TRIM26: variants seen among roughly 807,000 people sequenced by gnomAD.
The protein encoded by TRIM26 is tripartite motif containing 26.
TRIM26 carries 16 observed loss-of-function variants against 45.5 expected under a neutral mutation model. That is an observed-to-expected ratio of 0.35 (90% CI 0.24 to 0.53). TRIM26 has a LOEUF of 0.53. Among genes scored for constraint, TRIM26 ranks in the 20% least tolerant of loss-of-function variants. The pLI is 0.92. For synonymous variants in TRIM26, 273 were observed against 290.4 expected, an observed-to-expected ratio of 0.94 and a Z score of 0.61; for missense variants, 442 against 691.1, an observed-to-expected ratio of 0.64 and a Z score of 4.04.
At chr6:30,204,130 C>G (rs1258742497) in intron 2 of TRIM26, among the ~76,000 whole-genome samples, 1 of 152,190 alleles carries the variant, frequency 6.6e-6, no homozygotes, top group African/African-American at 2.4e-5. Context: ...AGTACCACTT[C>G]TATGACCAAT....
In TRIM26 at chr6:30,209,965, G is replaced by C. The variant is rs955640760; in HGVS notation, c.-376+3340C>G. Among the ~76,000 whole-genome samples, 4 of 152,166 alleles carry C rather than the reference G, an allele frequency of 2.6e-5. No individual in the cohort carries two copies. Among genetic ancestry groups the C allele is most frequent in the African/African-American group, 9.7e-5 (4 of 41,428 alleles). ...CTCACGCCTGTAATCCCAGCACTTT[G>C]GGAGGCCGAGGTGGGCAGATCATGA... On this transcript the variant is annotated intron_variant, in intron 1 of 9. Coordinates refer to ENST00000454678, the MANE Select transcript of TRIM26 (RefSeq NM_003449.5). The surrounding 1 kb of genome is among the most constrained non-coding windows in gnomAD (Gnocchi z 4.8).
chr6:30,189,644 T>A lies in TRIM26; in HGVS notation c.789-111A>T, dbSNP rs1034254509. 10 of 953,198 alleles carry A rather than the reference T, an allele frequency of 1.0e-5. No individual in the cohort carries two copies. In the African/African-American group the frequency reaches 1.6e-4, roughly 15 times the overall value. 59.0% of individuals were successfully genotyped at this position (953,198 alleles called of 1,614,324 possible). On this transcript the variant is annotated intron_variant, in intron 7 of 9. Coordinates refer to ENST00000454678, the MANE Select transcript of TRIM26 (RefSeq NM_003449.5). The surrounding 1 kb of genome is among the most constrained non-coding windows in gnomAD (Gnocchi z 5.0). ...GAAGGGGAGAGGAAAGGTATGATTATCCCCAAACAAGTGACAGAAAAACAG... is the reference window on the plus strand; with the variant it reads ...GAAGGGGAGAGGAAAGGTATGATTAACCCCAAACAAGTGACAGAAAAACAG...
In TRIM26 at chr6:30,185,734, G is replaced by T; in HGVS notation, c.*142C>A. 1.1e-6 allele frequency: 1 copy of T among 893,784 alleles called. No homozygotes were observed. The highest frequency in any genetic ancestry group is 1.7e-6 in the Non-Finnish European group (1 of 591,582). The allele number at this position is 893,784 out of a possible 1,614,324, so 55.4% of individuals were successfully genotyped here. On this transcript the variant is annotated 3_prime_UTR_variant, in exon 10 of 10. Transcript: ENST00000454678. This position sits in a 1 kb window ranked among gnomAD's most constrained non-coding sequence, Gnocchi z 5.7. ...CTGAGTGAGATTTCAGGGGGCCACA[G>T]CAATGGGGAGGTGGCTACCAGTGGA... is the stretch of plus-strand genomic sequence containing the variant.
chr6:30,196,914 C>T lies in TRIM26; in HGVS notation c.535-168G>A, dbSNP rs1776540151. Among the ~76,000 whole-genome samples, 1 of 152,176 alleles carries T rather than the reference C, an allele frequency of 6.6e-6. No homozygotes were observed. The highest frequency in any genetic ancestry group is 2.1e-4 in the South Asian group (1 of 4,832). Reference sequence around the variant, plus strand: ...AGGGTTCCTGGTCCACACTCCGCTTCTCAAAGAAGACTCCAGTAATGAATT... The same window carrying T: ...AGGGTTCCTGGTCCACACTCCGCTTTTCAAAGAAGACTCCAGTAATGAATT... On this transcript the variant is annotated intron_variant, in intron 5 of 9. Coordinates refer to ENST00000454678, the MANE Select transcript of TRIM26 (RefSeq NM_003449.5). The surrounding 1 kb of genome is among the most constrained non-coding windows in gnomAD (Gnocchi z 4.9).
chr6:30,212,915 CAAA>C (rs3059548), intron 1 of TRIM26, among the ~76,000 whole-genome samples: 59,769 of 130,658 alleles, frequency 0.46, 12,380 homozygotes, highest in Non-Finnish European at 0.48. Context: ...TTACTCCGAA[CAAA>C]AAAAAAAAAA....
rs1052167889 is a variant in TRIM26, at chr6:30,189,819, G to T, written c.788+194C>A. On this transcript the variant is annotated intron_variant, in intron 7 of 9. Transcript: ENST00000454678. The surrounding 1 kb of genome is among the most constrained non-coding windows in gnomAD (Gnocchi z 5.0). ...GGCCAAGGAGCTGGGGCTACACAGA[G>T]AACCATAAGGAGGAGAGCAAGTCTC... 1.2e-5 allele frequency: 8 copies of T among 656,350 alleles called. No homozygotes were observed. The African/African-American group carries it at 1.7e-4, about 14-fold the overall frequency. The allele number at this position is 656,350 out of a possible 1,614,324, so 40.7% of individuals were successfully genotyped here. A position where few individuals can be genotyped will look rare whatever the true frequency, so the allele number is the denominator to read the frequency against.
intron 1 of TRIM26, among the ~76,000 whole-genome samples, chr6:30,212,003 G>A (rs1778335481): frequency 1.3e-5 from 2 of 152,228 alleles, no homozygotes; most frequent in African/African-American, 4.8e-5. Flanking sequence ...TACACGCAAA[G>A]AGTGGAAAAG....
In TRIM26 at chr6:30,198,693, G is replaced by A; in HGVS notation, c.411C>T (p.Leu137=). The A allele has an allele frequency of 1.2e-6, 2 of 1,604,572 alleles. No individual in the cohort carries two copies. The highest frequency in any genetic ancestry group is 1.3e-5 in the African/African-American group (1 of 75,026). The change falls in exon 4 of 10, where the codon CTC becomes CTT. Residue 137 remains leucine, a synonymous_variant. Coordinates refer to ENST00000454678, the MANE Select transcript of TRIM26 (RefSeq NM_003449.5). The surrounding 1 kb of genome is among the most constrained non-coding windows in gnomAD (Gnocchi z 6.3). ...SREHRPHTAV[L]MEKAAQPHRE... The stretch of plus-strand genomic sequence containing the variant: ...TGTGGGGCTGGGCGGCCTTCTCCAT[G>A]AGGACGGCCGTGTGGGGCCTGTGCT...
chr6:30,208,902 ATATGTGTG>A (rs1292906969), intron 1 of TRIM26, among the ~76,000 whole-genome samples: 65 of 74,574 alleles, frequency 8.7e-4, no homozygotes, highest in African/African-American at 2.7e-3. Context: ...GGGATATAGA[ATATGTGTG>A]TGTGTGTGTG....
Position 30,198,342 on chromosome 6 carries a change from A to G in TRIM26, c.534+87T>C. 6.9e-7 allele frequency: 1 copy of G among 1,455,630 alleles called. No homozygotes were observed. The highest frequency in any genetic ancestry group is 1.7e-5 in the Admixed American group (1 of 58,440). The allele number at this position is 1,455,630 out of a possible 1,614,324, so 90.2% of individuals were successfully genotyped here. On this transcript the variant is annotated intron_variant, in intron 5 of 9. Coordinates refer to ENST00000454678, the MANE Select transcript of TRIM26 (RefSeq NM_003449.5). The surrounding 1 kb of genome is among the most constrained non-coding windows in gnomAD (Gnocchi z 6.3). ...CTCCCTGTGAGCAGCGCCTAGAAAC[A>G]CCTCCCAGCTGCCGCCTACTTGCCC...
In TRIM26 at chr6:30,207,875, A is replaced by T. The variant is rs1313301580; in HGVS notation, c.-375-3110T>A. On this transcript the variant is annotated intron_variant, in intron 1 of 9. Transcript: ENST00000454678. This position sits in a 1 kb window ranked among gnomAD's most constrained non-coding sequence, Gnocchi z 4.9. Reference sequence around the variant, plus strand: ...CTTTTCTAGCTTGAAGTCTCAGCTGAAAGCCACCTCCTCTGGCAATTCTTT... The same window carrying T: ...CTTTTCTAGCTTGAAGTCTCAGCTGTAAGCCACCTCCTCTGGCAATTCTTT... Among the ~76,000 whole-genome samples, 1 of 152,166 alleles carries T rather than the reference A, an allele frequency of 6.6e-6. No homozygotes were observed. Among genetic ancestry groups the T allele is most frequent in the Non-Finnish European group, 1.5e-5 (1 of 68,036 alleles).
chr6:30,186,753 T>A lies in TRIM26; in HGVS notation c.938-195A>T. ...GGCTTTGTATTCTGCTAAATCACCATAACTAAACTGCTTTATAAACATGAT... is the reference window on the plus strand; with the variant it reads ...GGCTTTGTATTCTGCTAAATCACCAAAACTAAACTGCTTTATAAACATGAT... On this transcript the variant is annotated intron_variant, in intron 9 of 9. Coordinates refer to ENST00000454678, the MANE Select transcript of TRIM26 (RefSeq NM_003449.5). This position sits in a 1 kb window ranked among gnomAD's most constrained non-coding sequence, Gnocchi z 7.4. 1 of 998,112 alleles carries A rather than the reference T, an allele frequency of 1.0e-6. No homozygotes were observed. Among genetic ancestry groups the A allele is most frequent in the Non-Finnish European group, 1.5e-6 (1 of 669,368 alleles). 61.8% of individuals were successfully genotyped at this position (998,112 alleles called of 1,614,324 possible).
At chr6:30,211,149 A>C (rs1327442409) in intron 1 of TRIM26, among the ~76,000 whole-genome samples, 2 of 150,812 alleles carry the variant, frequency 1.3e-5, no homozygotes, top group African/African-American at 2.4e-5. Context: ...TCCCCCTTTC[A>C]CTACACACCC....
At chr6:30,199,364 T>C in intron 3 of TRIM26, 100 bp from the exon 4 acceptor site, 1 of 417,684 alleles carries the variant, frequency 2.4e-6, no homozygotes, top group Non-Finnish European at 4.2e-6. Context: ...AAAGATTAGC[T>C]TGGTAGAGTG....
Position 30,186,553 on chromosome 6 carries a change from C to A in TRIM26, c.943G>T (p.Val315Phe). The change falls in exon 10 of 10, where the codon GTC (valine) becomes TTC (phenylalanine). Residue 315 changes from valine (V) to phenylalanine (F), a missense_variant. Coordinates refer to ENST00000454678, the MANE Select transcript of TRIM26 (RefSeq NM_003449.5). This position sits in a 1 kb window ranked among gnomAD's most constrained non-coding sequence, Gnocchi z 7.4. ...LRDLEYKTVS[V>F]TLDPQSASGY... Reference sequence around the variant, plus strand: ...CTGGCCGACTGTGGGTCCAGGGTGACGCTCACTGTGGGGACAAGGGAAAAA... The same window carrying A: ...CTGGCCGACTGTGGGTCCAGGGTGAAGCTCACTGTGGGGACAAGGGAAAAA... 6.6e-7 allele frequency: 1 copy of A among 1,509,260 alleles called. No homozygotes were observed. The highest frequency in any genetic ancestry group is 8.8e-7 in the Non-Finnish European group (1 of 1,133,654). 93.5% of individuals were successfully genotyped at this position (1,509,260 alleles called of 1,614,324 possible). A position where few individuals can be genotyped will look rare whatever the true frequency, so the allele number is the denominator to read the frequency against.
chr6:30,199,627 GTTTTTTTTTTTTGGTTTT>G (rs1410012245), intron 3 of TRIM26, among the ~76,000 whole-genome samples: 1 of 140,820 alleles, frequency 7.1e-6, no homozygotes, highest in Non-Finnish European at 1.5e-5. Context: ...GAGACCGCCC[GTTTTTTTTTTTTGGTTTT>G]TTTTTTTTTG....
chr6:30,195,805 G>A (rs1326559218), intron 6 of TRIM26, among the ~76,000 whole-genome samples: 3 of 152,298 alleles, frequency 2.0e-5, no homozygotes, highest in South Asian at 4.1e-4. Context: ...ATGAGAGCAG[G>A]AAGGTTGAGC....
At position 30,205,697 on chromosome 6, in the gene TRIM26, C is replaced by T. The variant is rs117836842; in HGVS notation, c.-375-932G>A. 1.1e-3 allele frequency among the ~76,000 whole-genome samples: 163 copies of T among 152,316 alleles called. 2 individuals carry two copies. The highest frequency in any genetic ancestry group is 6.8e-3 in the Middle Eastern group (2 of 294). ...CAAAAAAAGAAATTAGCTGAATTAG[C>T]TGGGTGCGATGGCACATGCCTATAG... On this transcript the variant is annotated intron_variant, in intron 1 of 9. Transcript: ENST00000454678.
intron 9 of TRIM26, chr6:30,187,473 A>G: frequency 1.9e-6 from 1 of 523,572 alleles, no homozygotes; most frequent in Non-Finnish European, 3.9e-6. Flanking sequence ...AAATGCATGA[A>G]ATTGTTTTGG....
Sources: gnomAD v4.1 joint callset for allele counts (sites outside exome capture counted in the v4.1 genomes callset) on GRCh38, gnomAD v4.1.1 for gene constraint, Gnocchi (gnomAD v3.1) non-coding constraint, MANE v1.5 for transcripts, NCBI Gene and HGNC (gene_info 2026-07-23, HGNC 2026-07-21) for gene names.